The following TLN2 variants were observed in gnomAD, a reference collection of about 807,000 sequenced individuals.
TLN2 encodes talin 2.
Under a neutral mutation model 294.7 loss-of-function variants are expected in TLN2, and 118 were observed. That is an observed-to-expected ratio of 0.40 (90% CI 0.34 to 0.47). TLN2 has a LOEUF of 0.47. TLN2 is among the 20% of genes least tolerant of loss of function. TLN2 has a pLI of 0.84. For missense variants in TLN2, 3,083 were observed against 3,282.2 expected (o/e 0.94, Z 1.48); for synonymous variants, 1,431 against 1,304.5 (o/e 1.10, Z -2.09).
rs768566732 is a variant in TLN2 at position 62,819,597 on chromosome 15, A to G, written c.6853A>G (p.Ile2285Val). The change falls in exon 53 of 59, where the codon ATC (isoleucine) becomes GTC (valine). Residue 2285 changes from isoleucine (I) to valine (V), a missense_variant. Transcript: ENST00000636159. ...KRVAGAVTEL[I>V]QAAEAMKGTE... ...AGTCGCCGGCGCTGTGACAGAGCTC[A>G]TCCAGGCGGCGGAAGCCATGAAAGG... 1.2e-6 allele frequency: 2 copies of G among 1,612,202 alleles called. No homozygotes were observed. Among genetic ancestry groups the G allele is most frequent in the Non-Finnish European group, 1.7e-6 (2 of 1,179,960 alleles).
In TLN2 at chr15:62,715,096, T is replaced by C. The variant is rs536168376; in HGVS notation, c.2635-1235T>C. On this transcript the variant is annotated intron_variant, in intron 22 of 58. Transcript: ENST00000636159. ...ATAAAAATGTTTCATTGCTAGATTA[T>C]GAGAGTGGTTAAAGTTTGAAAGAAT... Among the ~76,000 whole-genome samples the C allele has an allele frequency of 1.8e-4, 27 of 152,332 alleles. No homozygotes were observed. The East Asian group carries it at 5.2e-3, about 29-fold the overall frequency.
chr15:62,644,201 T>C (rs2051541719), intron 3 of TLN2, among the ~76,000 whole-genome samples: 1 of 119,792 alleles, frequency 8.3e-6, no homozygotes, highest in African/African-American at 3.2e-5. Flanking sequence ...ATTTGCCAGA[T>C]TCAGTTGCAA....
chr15:62,746,938 G>T (rs1472487906), intron 32 of TLN2, among the ~76,000 whole-genome samples: 2 of 152,128 alleles, frequency 1.3e-5, no homozygotes, highest in African/African-American at 4.8e-5. Flanking sequence ...TCAATTTTAA[G>T]ACTTAGTGTA....
At chr15:62,805,041 AC>A (rs1437887616) in intron 50 of TLN2, among the ~76,000 whole-genome samples, 2 of 152,244 alleles carry the variant, frequency 1.3e-5, no homozygotes, top group East Asian at 3.9e-4. Context: ...TCACAGTGTC[AC>A]CATGGCGCAC....
intron 37 of TLN2, among the ~76,000 whole-genome samples, chr15:62,760,245 C>T (rs1453661829): frequency 3.9e-5 from 6 of 152,110 alleles, no homozygotes; most frequent in Non-Finnish European, 7.4e-5. Context: ...GCCAGGCTTG[C>T]GGGAATTCCT....
At chr15:62,435,777 G>A (rs4775502) in intron 1 of TLN2, among the ~76,000 whole-genome samples, 1 of 151,904 alleles carries the variant, frequency 6.6e-6, no homozygotes, top group Non-Finnish European at 1.5e-5. Context: ...CCTGACCTCA[G>A]GTGATCCACC....
At chr15:62,496,449 T>C (rs2039022681) in intron 1 of TLN2, among the ~76,000 whole-genome samples, 1 of 152,174 alleles carries the variant, frequency 6.6e-6, no homozygotes, top group Admixed American at 6.5e-5. Context: ...GTGACTAGGA[T>C]GGGTGTCAGG....
intron 29 of TLN2, among the ~76,000 whole-genome samples, chr15:62,737,814 C>T (rs2061108999): frequency 6.6e-6 from 1 of 152,224 alleles, no homozygotes; most frequent in African/African-American, 2.4e-5. Flanking sequence ...TCAAGGTCTC[C>T]TTCCACCTCG....
chr15:62,595,089 A>G (rs960733460), intron 2 of TLN2, among the ~76,000 whole-genome samples: 3 of 152,202 alleles, frequency 2.0e-5, no homozygotes, highest in Non-Finnish European at 4.4e-5. Context: ...AACCACAATG[A>G]GATAGTACCT....
intron 42 of TLN2, among the ~76,000 whole-genome samples, chr15:62,774,961 T>TC (rs1404478857): frequency 1.4e-5 from 2 of 145,204 alleles, no homozygotes; most frequent in Admixed American, 6.8e-5. Context: ...GGCTTTTTTT[T>TC]TTTTTTTTTT....
At chr15:62,497,324 C>T (rs1383344115) in intron 1 of TLN2, among the ~76,000 whole-genome samples, 2 of 152,208 alleles carry the variant, frequency 1.3e-5, no homozygotes, top group East Asian at 1.9e-4. Context: ...TCTTCATTTT[C>T]TATTGGAAAT....
chr15:62,801,335 G>A (rs1020180805), intron 50 of TLN2, among the ~76,000 whole-genome samples: 7 of 152,212 alleles, frequency 4.6e-5, no homozygotes, highest in African/African-American at 1.7e-4. Flanking sequence ...ACATTCTGGA[G>A]TTACTGCAAT....
chr15:62,584,030 A>G (rs10519172), intron 1 of TLN2, among the ~76,000 whole-genome samples: 13,175 of 152,220 alleles, frequency 0.087, 692 homozygotes, highest in East Asian at 0.19. Flanking sequence ...CCATTACCTG[A>G]TCACTTATAT....
chr15:62,742,176 T>A (rs1324909821), intron 32 of TLN2, among the ~76,000 whole-genome samples: 1 of 152,056 alleles, frequency 6.6e-6, no homozygotes, highest in African/African-American at 2.4e-5. Context: ...CTAGAGCCAC[T>A]AGGGGACTGG....
intron 58 of TLN2, among the ~76,000 whole-genome samples, chr15:62,839,796 A>G (rs2070385574): frequency 6.6e-6 from 1 of 152,236 alleles, no homozygotes; most frequent in Non-Finnish European, 1.5e-5. Context: ...ATTTCATGAG[A>G]AGTTTCACAG....
In TLN2 at chr15:62,844,220, T is replaced by C. The variant is rs2070986137; in HGVS notation, c.*3610T>C. The C allele has an allele frequency of 6.6e-6, 1 of 152,312 alleles. No individual in the cohort carries two copies. Among genetic ancestry groups the C allele is most frequent in the South Asian group, 2.1e-4 (1 of 4,826 alleles). 9.4% of individuals were successfully genotyped at this position (152,312 alleles called of 1,614,324 possible). A position where few individuals can be genotyped will look rare whatever the true frequency, so the allele number is the denominator to read the frequency against. On this transcript the variant is annotated 3_prime_UTR_variant, in exon 59 of 59. Coordinates refer to ENST00000636159, the MANE Select transcript of TLN2 (RefSeq NM_015059.3). Reference sequence around the variant, plus strand: ...CCCAAAGGTATCCCCAAGTACCATGTTGAAAATGTCCTCAGTCTGTTGCTC... The same window carrying C: ...CCCAAAGGTATCCCCAAGTACCATGCTGAAAATGTCCTCAGTCTGTTGCTC...
At chr15:62,810,178 C>A in intron 52 of TLN2, 146 bp downstream of exon 52, 1 of 717,818 alleles carries the variant, frequency 1.4e-6, no homozygotes, top group Non-Finnish European at 2.4e-6. Context: ...GAACTGGAAT[C>A]TCCCCTGATG....
At chr15:62,413,590 G>A (rs936457077) in intron 1 of TLN2, among the ~76,000 whole-genome samples, 1 of 152,240 alleles carries the variant, frequency 6.6e-6, no homozygotes, top group Non-Finnish European at 1.5e-5. Context: ...GTAAGTGGCA[G>A]GATGTTTGTG....
At chr15:62,777,024 G>A (rs2063764342) in intron 43 of TLN2, 114 bp downstream of exon 43, 3 of 1,025,794 alleles carry the variant, frequency 2.9e-6, no homozygotes, top group Non-Finnish European at 3.9e-6. Flanking sequence ...TTTCTTGAAG[G>A]TTCTAGTTAA....
Sources: gnomAD v4.1 joint callset for allele counts (sites outside exome capture counted in the v4.1 genomes callset) on GRCh38, gnomAD v4.1.1 for gene constraint, MANE v1.5 for transcripts, NCBI Gene and HGNC (gene_info 2026-07-23, HGNC 2026-07-21) for gene names.